Variants in CTNNA1 observed in about 807,000 individuals in gnomAD.
CTNNA1 encodes the protein catenin alpha 1, also known as catenin alpha-1.
In CTNNA1, 37 loss-of-function variants were observed where a neutral mutation model predicts 98.4. The observed-to-expected ratio is 0.38, with a 90% CI of 0.29 to 0.49. CTNNA1 has a LOEUF of 0.49. CTNNA1 is among the 20% of genes least tolerant of loss of function. The probability of loss-of-function intolerance (pLI) is 0.95; values close to 1 mark genes in which losing one functional copy is unlikely to be tolerated. For missense variants in CTNNA1, 761 were observed against 1,147.2 expected (o/e 0.66, Z 4.86); for synonymous variants, 404 against 413.2 (o/e 0.98, Z 0.27).
At chr5:138,806,096 T>G (rs1343560811) in intron 3 of CTNNA1, among the ~76,000 whole-genome samples, 1 of 152,226 alleles carries the variant, frequency 6.6e-6, no homozygotes, top group Non-Finnish European at 1.5e-5. Flanking sequence ...TTAATTCTTT[T>G]GCATATTGCA....
At position 138,811,177 on chromosome 5, in the gene CTNNA1, G is replaced by A. The variant is rs1308771967; in HGVS notation, c.468+973G>A. Among the ~76,000 whole-genome samples, 12 of 149,952 alleles carry A rather than the reference G, an allele frequency of 8.0e-5. No homozygotes were observed. In the East Asian group the frequency reaches 8.1e-4, roughly 10 times the overall value. On this transcript the variant is annotated intron_variant, in intron 4 of 17. Transcript: ENST00000302763. The stretch of plus-strand genomic sequence containing the variant: ...TTCTCAGATGGGGCGGTTGCCAGGC[G>A]GAGGGTCTCCTCACTTCTCAGACGG...
At chr5:138,770,874 C>T (rs1490408602) in intron 1 of CTNNA1, among the ~76,000 whole-genome samples, 1 of 151,798 alleles carries the variant, frequency 6.6e-6, no homozygotes, top group Non-Finnish European at 1.5e-5. Flanking sequence ...ATGGCGTGAA[C>T]CCGGGAGGCA....
chr5:138,851,316 C>G (rs778673021), intron 7 of CTNNA1, among the ~76,000 whole-genome samples: 1 of 152,182 alleles, frequency 6.6e-6, no homozygotes, highest in African/African-American at 2.4e-5. Flanking sequence ...GACTTCACAT[C>G]CTCCAGAGGT....
Position 138,873,188 on chromosome 5 carries a change from C to G in CTNNA1, c.1063-13024C>G. 6.2e-7 allele frequency: 1 copy of G among 1,613,970 alleles called. No homozygotes were observed. On this transcript the variant is annotated intron_variant, in intron 7 of 17. Coordinates refer to ENST00000302763, the MANE Select transcript of CTNNA1 (RefSeq NM_001903.5). This position sits in a 1 kb window ranked among gnomAD's most constrained non-coding sequence, Gnocchi z 6.1. Reference sequence around the variant, plus strand: ...CTGCCTGTGGTTCTGAACCATTGAGCACTGCCTAATTCTTCTTAAAGTGGG... The same window carrying G: ...CTGCCTGTGGTTCTGAACCATTGAGGACTGCCTAATTCTTCTTAAAGTGGG...
In CTNNA1 at chr5:138,787,869, G is replaced by A. The variant is rs188843528; in HGVS notation, c.301+4497G>A. Among the ~76,000 whole-genome samples, 42 of 152,178 alleles carry A rather than the reference G, an allele frequency of 2.8e-4. 1 individual carries two copies. In the East Asian group the frequency reaches 7.9e-3, roughly 29 times the overall value. On this transcript the variant is annotated intron_variant, in intron 3 of 17. Coordinates refer to ENST00000302763, the MANE Select transcript of CTNNA1 (RefSeq NM_001903.5). ...TGTAAGTGATGTTAAAAAAATTCAC[G>A]TACATAAAAACAGGATCATTTGACT...
intron 9 of CTNNA1, among the ~76,000 whole-genome samples, chr5:138,889,339 A>T (rs903829362): frequency 1.3e-5 from 2 of 152,120 alleles, no homozygotes; most frequent in Admixed American, 6.5e-5. Context: ...ACATTTGCTG[A>T]GCACCTACTG....
intron 16 of CTNNA1, chr5:138,932,249 C>G (rs896512182): frequency 1.8e-6 from 2 of 1,113,972 alleles, no homozygotes; most frequent in African/African-American, 3.3e-5. Flanking sequence ...TCCACCCTGC[C>G]GTTTGGGGTG....
chr5:138,847,935 C>G (rs1762872028), intron 7 of CTNNA1, among the ~76,000 whole-genome samples: 1 of 152,136 alleles, frequency 6.6e-6, no homozygotes, highest in Non-Finnish European at 1.5e-5. Context: ...GTTGGGAGCA[C>G]TTATAATTAC....
chr5:138,758,360 C>G (rs899603155), intron 1 of CTNNA1, among the ~76,000 whole-genome samples: 2 of 150,660 alleles, frequency 1.3e-5, no homozygotes, highest in African/African-American at 4.9e-5. Context: ...TGCCACCACA[C>G]CCGGCTAACT....
At chr5:138,899,613 C>T (rs933558170) in intron 9 of CTNNA1, among the ~76,000 whole-genome samples, 2 of 152,188 alleles carry the variant, frequency 1.3e-5, no homozygotes, top group Middle Eastern at 3.2e-3. Context: ...TCTGAGTCAT[C>T]TACCTTGAGA....
intron 3 of CTNNA1, among the ~76,000 whole-genome samples, chr5:138,808,095 A>G (rs1395611030): frequency 2.0e-5 from 3 of 152,162 alleles, no homozygotes; most frequent in Admixed American, 6.5e-5. Context: ...CTCTTTCTGC[A>G]TGGCTTTTCA....
At chr5:138,889,136 G>A (rs919711259) in intron 9 of CTNNA1, among the ~76,000 whole-genome samples, 7 of 152,190 alleles carry the variant, frequency 4.6e-5, no homozygotes, top group African/African-American at 1.2e-4. Flanking sequence ...CCAGTCTCTT[G>A]TAAGTAGCAT....
At chr5:138,904,621 A>T in intron 10 of CTNNA1, 180 bp downstream of exon 10, 1 of 775,528 alleles carries the variant, frequency 1.3e-6, no homozygotes, top group Non-Finnish European at 2.0e-6. Flanking sequence ...ATTAAGTGAC[A>T]TTTGCACGGG....
intron 7 of CTNNA1, among the ~76,000 whole-genome samples, chr5:138,881,971 T>C (rs1417052485): frequency 6.6e-6 from 1 of 152,192 alleles, no homozygotes; most frequent in African/African-American, 2.4e-5. Flanking sequence ...TTTGAAGTCT[T>C]ATATTCTAAC....
rs1233799861 is a variant in CTNNA1 at position 138,930,843 on chromosome 5, C to T, written c.2206C>T (p.Leu736Phe). The stretch of plus-strand genomic sequence containing the variant: ...CCCTCTTCTCAGAGGTAAAGGACCA[C>T]TCAAAAATACATCGGATGTCATCAG... ...MTDFTRGKGP[L>F]KNTSDVISAA... Residue 736 changes from leucine (L) to phenylalanine (F), a missense_variant, in exon 16 of 18, where the codon CTC becomes TTC. Leu to Phe is a conservative substitution (Grantham distance 22). This residue lies in a region of CTNNA1 where 77 missense variants were observed against 198.8 expected (regional missense o/e 0.39). Coordinates refer to ENST00000302763, the MANE Select transcript of CTNNA1 (RefSeq NM_001903.5). 1 of 1,611,612 alleles carries T rather than the reference C, an allele frequency of 6.2e-7. No homozygotes were observed. Among genetic ancestry groups the T allele is most frequent in the South Asian group, 1.1e-5 (1 of 91,030 alleles).
intron 10 of CTNNA1, among the ~76,000 whole-genome samples, chr5:138,909,129 A>G (rs1759981461): frequency 6.6e-6 from 1 of 152,208 alleles, no homozygotes; most frequent in Non-Finnish European, 1.5e-5. Flanking sequence ...TTGAGTCTTT[A>G]AAATCAGAGG....
intron 3 of CTNNA1, among the ~76,000 whole-genome samples, chr5:138,800,750 C>T (rs1395584149): frequency 6.6e-6 from 1 of 152,048 alleles, no homozygotes. Context: ...TTGCAGTGAG[C>T]TGAGATCGCG....
intron 1 of CTNNA1, among the ~76,000 whole-genome samples, chr5:138,769,037 C>G (rs1419823685): frequency 6.6e-6 from 1 of 152,030 alleles, no homozygotes; most frequent in Non-Finnish European, 1.5e-5. Flanking sequence ...AGAGGCCATT[C>G]TTTCTTGTTT....
intron 7 of CTNNA1, among the ~76,000 whole-genome samples, chr5:138,860,931 T>C (rs1419648422): frequency 6.6e-6 from 1 of 152,168 alleles, no homozygotes; most frequent in East Asian, 1.9e-4. Flanking sequence ...GAGGATGGTA[T>C]ATTCTTCTTC....
Sources: allele counts gnomAD v4.1 joint callset (sites outside exome capture counted in the v4.1 genomes callset), GRCh38; gene constraint gnomAD v4.1.1; regional missense constraint gnomAD v4.1.1; non-coding constraint Gnocchi (gnomAD v3.1); transcripts MANE v1.5; gene names NCBI Gene and HGNC (gene_info 2026-07-23, HGNC 2026-07-21).